The following TCTN1 variants were observed in gnomAD, a reference collection of about 807,000 sequenced individuals.
TCTN1 encodes the protein tectonic family member 1.
A neutral mutation model predicts 65.8 loss-of-function variants in TCTN1; 58 were observed. The observed-to-expected ratio is 0.88, with a 90% CI of 0.71 to 1.10. The LOEUF is 1.10. Ranked by LOEUF, TCTN1 falls within the 50% of genes least tolerant of loss-of-function variation. The pLI is 0.00. For missense variants in TCTN1, 645 were observed against 719.4 expected (o/e 0.90, Z 1.18); for synonymous variants, 273 against 289.1 (o/e 0.94, Z 0.57).
intron 2 of TCTN1, among the ~76,000 whole-genome samples, chr12:110,624,667 T>A (rs1307575788): frequency 6.6e-6 from 1 of 150,806 alleles, no homozygotes; most frequent in Middle Eastern, 3.2e-3. Flanking sequence ...CACTGCAACC[T>A]CCCAGGTTCA....
At chr12:110,621,072 C>T (rs1387082931) in intron 2 of TCTN1, among the ~76,000 whole-genome samples, 4 of 152,034 alleles carry the variant, frequency 2.6e-5, no homozygotes, top group Middle Eastern at 3.2e-3. Context: ...CCCAAAGTGC[C>T]GGGATTTCAG....
chr12:110,641,032 C>T lies in TCTN1; in HGVS notation c.987C>T (p.Tyr329=), dbSNP rs371066430. The stretch of plus-strand genomic sequence containing the variant: ...TATCATTTTGTTTTTAGGTAAAGTA[C>T]AGCCTCACATACACAGATGCAGGTG... ...LCVNVVLEVK[Y]SLTYTDAGEV... Residue 329 remains tyrosine, a synonymous_variant, in exon 9 of 15, where the codon TAC becomes TAT. Transcript: ENST00000397659. 279 of 1,614,094 alleles carry T rather than the reference C, an allele frequency of 1.7e-4. 1 individual carries two copies. The highest frequency in any genetic ancestry group is 2.0e-4 in the Non-Finnish European group (234 of 1,180,052).
intron 9 of TCTN1, 36 bp downstream of exon 9, chr12:110,641,185 C>T (rs1354104206): frequency 6.2e-7 from 1 of 1,613,646 alleles, no homozygotes; most frequent in Non-Finnish European, 8.5e-7. Flanking sequence ...TATTTAATTG[C>T]CAAGTTAAAA....
At chr12:110,631,465 G>A (rs2066231575) in intron 4 of TCTN1, among the ~76,000 whole-genome samples, 1 of 151,814 alleles carries the variant, frequency 6.6e-6, no homozygotes. Context: ...GAAACCCCAT[G>A]TCTACTAAAA....
chr12:110,648,854 A>G (rs2067616455), intron 14 of TCTN1, 189 bp from the exon 15 acceptor site: 3 of 372,560 alleles, frequency 8.1e-6, no homozygotes, highest in South Asian at 6.2e-5. Flanking sequence ...AATTGAGGAA[A>G]AATGTTGTCA....
At chr12:110,626,077 T>TTTTC (rs1225125929) in intron 2 of TCTN1, among the ~76,000 whole-genome samples, 17 of 150,848 alleles carry the variant, frequency 1.1e-4, no homozygotes, top group Non-Finnish European at 1.9e-4. Flanking sequence ...ATGCTTTCTT[T>TTTTC]TTTCTTTCTT....
In TCTN1 at chr12:110,641,528, G is replaced by C. The variant is rs2066951441; in HGVS notation, c.1105-14G>C. On this transcript the variant is annotated splice_polypyrimidine_tract_variant and intron_variant, in intron 9 of 14. Transcript: ENST00000397659. ...ATGAGAATTATTTGGGGGCATTTCT[G>C]CATTGTCTTTCAGGAAAATACCCAG... 1.2e-6 allele frequency: 2 copies of C among 1,611,544 alleles called. No homozygotes were observed. Among genetic ancestry groups the C allele is most frequent in the African/African-American group, 2.7e-5 (2 of 74,988 alleles).
At chr12:110,626,157 T>G (rs1457653650) in intron 2 of TCTN1, among the ~76,000 whole-genome samples, 1 of 150,238 alleles carries the variant, frequency 6.7e-6, no homozygotes, top group Non-Finnish European at 1.5e-5. Flanking sequence ...GGCGCGATCT[T>G]GGCTCACTGC....
chr12:110,640,361 A>G lies in TCTN1; in HGVS notation c.844-22A>G, dbSNP rs780789671. On this transcript the variant is annotated intron_variant, in intron 7 of 14. Transcript: ENST00000397659. This position sits in a 1 kb window ranked among gnomAD's most constrained non-coding sequence, Gnocchi z 4.9. ...CCTCCCTGGGTAGAGCATCTTCAAC[A>G]CTCCAGGTCTTCACTCTGCAGGTCC... The G allele has an allele frequency of 1.4e-5, 22 of 1,613,670 alleles. 1 individual carries two copies. In the South Asian group the frequency reaches 2.0e-4, roughly 14 times the overall value.
intron 6 of TCTN1, chr12:110,635,748 T>C (rs1161071043): frequency 6.6e-6 from 1 of 152,450 alleles, no homozygotes. Context: ...GGGTGGTTCA[T>C]GGCACCATTA....
chr12:110,649,284 G>GCAGGAGGGAGGCAGA lies in TCTN1; in HGVS notation c.*244_*258dup. The stretch of plus-strand genomic sequence containing the variant: ...CTGTGTCCACCCAGAATCCATGCTG[G>GCAGGAGGGAGGCAGA]CAGGAGGGAGGCAGAGGTATCAAAC... On this transcript the variant is annotated 3_prime_UTR_variant, in exon 15 of 15. Coordinates refer to ENST00000397659, the MANE Select transcript of TCTN1 (RefSeq NM_001082538.3). 1 of 743,820 alleles carries GCAGGAGGGAGGCAGA rather than the reference G, an allele frequency of 1.3e-6. No homozygotes were observed. The highest frequency in any genetic ancestry group is 2.4e-6 in the Non-Finnish European group (1 of 418,592). The allele number at this position is 743,820 out of a possible 1,614,324, so 46.1% of individuals were successfully genotyped here. A position where few individuals can be genotyped will look rare whatever the true frequency, so the allele number is the denominator to read the frequency against.
At chr12:110,621,264 T>A (rs1001398550) in intron 2 of TCTN1, among the ~76,000 whole-genome samples, 5 of 152,182 alleles carry the variant, frequency 3.3e-5, no homozygotes, top group Admixed American at 2.6e-4. Flanking sequence ...ACAATGGGTT[T>A]TTCCTGTGAG....
At chr12:110,633,648 A>AG (rs942675304) in intron 5 of TCTN1, among the ~76,000 whole-genome samples, 19 of 152,136 alleles carry the variant, frequency 1.2e-4, no homozygotes, top group African/African-American at 4.6e-4. Flanking sequence ...AAGAAAAAAA[A>AG]AAAAGAAAAC....
chr12:110,622,317 G>A (rs1230154208), intron 2 of TCTN1, among the ~76,000 whole-genome samples: 1 of 151,992 alleles, frequency 6.6e-6, no homozygotes, highest in Non-Finnish European at 1.5e-5. Flanking sequence ...TCCTGTCTCA[G>A]CAGTCTTTCC....
At chr12:110,634,113 G>T (rs1193200016) in intron 5 of TCTN1, among the ~76,000 whole-genome samples, 1 of 152,084 alleles carries the variant, frequency 6.6e-6, no homozygotes, top group African/African-American at 2.4e-5. Context: ...AAAATGAGGG[G>T]CAGAATAGTG....
At chr12:110,628,152 T>C in intron 3 of TCTN1, 1 of 1,536,112 alleles carries the variant, frequency 6.5e-7, no homozygotes. Context: ...TACAGGTTGA[T>C]ACAGCAAACT....
At chr12:110,627,610 TA>T (rs2065945473) in intron 3 of TCTN1, among the ~76,000 whole-genome samples, 1 of 152,242 alleles carries the variant, frequency 6.6e-6, no homozygotes, top group African/African-American at 2.4e-5. Flanking sequence ...TCTAGGTTTC[TA>T]TATATACATG....
At chr12:110,647,643 C>G in intron 13 of TCTN1, 106 bp from the exon 14 acceptor site, 1 of 1,543,078 alleles carries the variant, frequency 6.5e-7, no homozygotes. Context: ...CTATCAGATT[C>G]ATGAACTGAC....
At chr12:110,645,914 C>T (rs991209737) in intron 12 of TCTN1, 1 of 152,218 alleles carries the variant, frequency 6.6e-6, no homozygotes, top group African/African-American at 2.4e-5. Context: ...ATCCGCCCTC[C>T]CACCGAGGCC....
Sources: gnomAD v4.1 joint callset for allele counts (sites outside exome capture counted in the v4.1 genomes callset) on GRCh38, gnomAD v4.1.1 for gene constraint, Gnocchi (gnomAD v3.1) non-coding constraint, MANE v1.5 for transcripts, NCBI Gene and HGNC (gene_info 2026-07-23, HGNC 2026-07-21) for gene names.